CNTNAP2: variants seen among roughly 807,000 people sequenced by gnomAD.
The protein encoded by CNTNAP2 is contactin associated protein 2, also known as contactin-associated protein-like 2.
CNTNAP2 carries 98 observed loss-of-function variants against 155.2 expected under a neutral mutation model. The observed-to-expected ratio is 0.63, with a 90% confidence interval of 0.54 to 0.75. CNTNAP2 has a LOEUF of 0.75. Among genes scored for constraint, CNTNAP2 ranks in the 30% least tolerant of loss-of-function variants. CNTNAP2 has a pLI of 0.00. For synonymous variants in CNTNAP2, 651 were observed against 631.2 expected (o/e 1.03, Z -0.47); for missense variants, 1,727 against 1,688.1 (o/e 1.02, Z -0.40).
chr7:147,495,137 T>C (rs1008072351), intron 11 of CNTNAP2, among the ~76,000 whole-genome samples: 2 of 152,206 alleles, frequency 1.3e-5, no homozygotes, highest in African/African-American at 2.4e-5. Context: ...CATGTATTTA[T>C]GTGTCCAACT....
intron 13 of CNTNAP2, among the ~76,000 whole-genome samples, chr7:147,785,039 C>T (rs1468193122): frequency 6.6e-6 from 1 of 152,070 alleles, no homozygotes; most frequent in African/African-American, 2.4e-5. Flanking sequence ...AAATATAACA[C>T]TGGAGTTGGA....
intron 2 of CNTNAP2, among the ~76,000 whole-genome samples, chr7:146,796,760 T>A (rs1413504561): frequency 6.6e-6 from 1 of 152,036 alleles, no homozygotes; most frequent in Non-Finnish European, 1.5e-5. Flanking sequence ...GCTGACTACC[T>A]TATTCACTTT....
At chr7:146,159,842 G>T (rs964570515) in intron 1 of CNTNAP2, among the ~76,000 whole-genome samples, 13 of 152,046 alleles carry the variant, frequency 8.6e-5, no homozygotes, top group African/African-American at 3.1e-4. Context: ...GAGACAGAAA[G>T]TTAACAAGGA....
chr7:147,293,342 G>A (rs530944541), intron 8 of CNTNAP2, among the ~76,000 whole-genome samples: 1 of 152,254 alleles, frequency 6.6e-6, no homozygotes, highest in South Asian at 2.1e-4. Flanking sequence ...ATGTGAAAAT[G>A]AGAAAGGTCA....
intron 21 of CNTNAP2, among the ~76,000 whole-genome samples, chr7:148,283,161 C>T (rs1271097666): frequency 6.8e-6 from 1 of 147,838 alleles, no homozygotes; most frequent in East Asian, 2.0e-4. Context: ...ATTGCTTAAA[C>T]CCAGGAGGTG....
Position 147,016,554 on chromosome 7 carries a change from G to A in CNTNAP2, c.403-27353G>A, listed in dbSNP as rs191807153. Among the ~76,000 whole-genome samples, 8 of 152,114 alleles carry A rather than the reference G, an allele frequency of 5.3e-5. No homozygotes were observed. The East Asian group carries it at 9.7e-4, about 18-fold the overall frequency. ...AGAACTGGTTCCATTTGATGAGTGA[G>A]TTGCAAACTCTTGAAGGCATATTGA... On this transcript the variant is annotated intron_variant, in intron 3 of 23. Coordinates refer to ENST00000361727, the MANE Select transcript of CNTNAP2 (RefSeq NM_014141.6).
chr7:147,357,939 C>T (rs1452608661), intron 9 of CNTNAP2, among the ~76,000 whole-genome samples: 2 of 152,070 alleles, frequency 1.3e-5, no homozygotes, highest in Non-Finnish European at 1.5e-5. Context: ...TTTACAGCTT[C>T]TGTTGTGTCC....
In CNTNAP2 at chr7:148,304,304, A is replaced by T. The variant is rs191254527; in HGVS notation, c.3475+37178A>T. On this transcript the variant is annotated intron_variant, in intron 21 of 23. Coordinates refer to ENST00000361727, the MANE Select transcript of CNTNAP2 (RefSeq NM_014141.6). Reference sequence around the variant, plus strand: ...AAAAATGTCTGCTGCCTCTGATAATACATATTAACACTTCTTTTTTACTTA... The same window carrying T: ...AAAAATGTCTGCTGCCTCTGATAATTCATATTAACACTTCTTTTTTACTTA... Among the ~76,000 whole-genome samples the T allele has an allele frequency of 2.0e-5, 3 of 152,302 alleles. No individual in the cohort carries two copies. In the East Asian group the frequency reaches 5.8e-4, roughly 29 times the overall value.
At chr7:148,113,451 G>T (rs1337090919) in intron 15 of CNTNAP2, among the ~76,000 whole-genome samples, 1 of 152,146 alleles carries the variant, frequency 6.6e-6, no homozygotes, top group Non-Finnish European at 1.5e-5. Flanking sequence ...CTCCCACCAG[G>T]CCCCACAACA....
chr7:147,213,503 T>C (rs1803201391), intron 8 of CNTNAP2, among the ~76,000 whole-genome samples: 1 of 152,012 alleles, frequency 6.6e-6, no homozygotes, highest in Non-Finnish European at 1.5e-5. Flanking sequence ...ATATCCACAA[T>C]GCATTTTTCT....
At chr7:148,056,215 T>C (rs1229328701) in intron 15 of CNTNAP2, among the ~76,000 whole-genome samples, 1 of 152,206 alleles carries the variant, frequency 6.6e-6, no homozygotes, top group Non-Finnish European at 1.5e-5. Flanking sequence ...TCTTCTGCCC[T>C]TCCATTTGCT....
chr7:147,296,042 A>G (rs932922056), intron 8 of CNTNAP2, among the ~76,000 whole-genome samples: 1 of 152,192 alleles, frequency 6.6e-6, no homozygotes, highest in Non-Finnish European at 1.5e-5. Flanking sequence ...TAATTTTGTG[A>G]TGGAGAAATT....
In CNTNAP2 at chr7:147,563,493, G is replaced by A. The variant is rs535741189; in HGVS notation, c.1897+1236G>A. On this transcript the variant is annotated intron_variant, in intron 12 of 23. Transcript: ENST00000361727. ...AAAATCCAAAAATTAGCTGGGCTTC[G>A]TGGCACACACATGTAGTCCCAGCTA... Among the ~76,000 whole-genome samples, 155 of 152,060 alleles carry A rather than the reference G, an allele frequency of 1.0e-3. 2 individuals are homozygous for A. Among genetic ancestry groups the A allele is most frequent in the South Asian group, 8.5e-3 (41 of 4,818 alleles).
intron 1 of CNTNAP2, among the ~76,000 whole-genome samples, chr7:146,381,237 A>C (rs1345992987): frequency 1.3e-5 from 2 of 152,172 alleles, no homozygotes; most frequent in Non-Finnish European, 2.9e-5. Context: ...TTAATCATTG[A>C]CCTGAGATTG....
At chr7:146,447,644 T>C (rs1796421032) in intron 1 of CNTNAP2, among the ~76,000 whole-genome samples, 1 of 151,994 alleles carries the variant, frequency 6.6e-6, no homozygotes, top group South Asian at 2.1e-4. Flanking sequence ...CATGCTTCAT[T>C]AACACCTGTG....
At chr7:146,188,387 C>A (rs1418141842) in intron 1 of CNTNAP2, among the ~76,000 whole-genome samples, 1 of 152,150 alleles carries the variant, frequency 6.6e-6, no homozygotes, top group East Asian at 1.9e-4. Context: ...TAATATCTTA[C>A]TTTTCAGATG....
At chr7:147,487,786 G>A (rs1798536274) in intron 11 of CNTNAP2, among the ~76,000 whole-genome samples, 1 of 152,136 alleles carries the variant, frequency 6.6e-6, no homozygotes, top group Non-Finnish European at 1.5e-5. Context: ...CCAAGGATTA[G>A]AAATGTCCTA....
chr7:148,114,519 C>T (rs746050962), intron 15 of CNTNAP2, among the ~76,000 whole-genome samples: 48 of 152,082 alleles, frequency 3.2e-4, no homozygotes, highest in Non-Finnish European at 5.6e-4. Context: ...CAGTTGGGAG[C>T]AGTATCAACA....
chr7:148,329,579 C>T (rs1563044248), intron 21 of CNTNAP2, among the ~76,000 whole-genome samples: 1 of 152,066 alleles, frequency 6.6e-6, no homozygotes, highest in Non-Finnish European at 1.5e-5. Flanking sequence ...AGTTACGAGG[C>T]CAGTGCTGTG....
Sources: allele counts gnomAD v4.1 joint callset (sites outside exome capture counted in the v4.1 genomes callset), GRCh38; gene constraint gnomAD v4.1.1; transcripts MANE v1.5; gene names NCBI Gene and HGNC (gene_info 2026-07-23, HGNC 2026-07-21).